The following ZNF438 variants were observed in gnomAD, a reference collection of about 807,000 sequenced individuals.
ZNF438 encodes the protein zinc finger protein 438.
ZNF438 carries 25 observed loss-of-function variants against 38.0 expected under a neutral mutation model. That is an observed-to-expected ratio of 0.66 (90% CI 0.48 to 0.92). The LOEUF (loss-of-function observed/expected upper bound fraction) is 0.92, where lower values mean the gene tolerates loss of function less well. Among genes scored for constraint, ZNF438 ranks in the 40% least tolerant of loss-of-function variants. ZNF438 has a pLI of 0.00. For missense variants in ZNF438, 1,007 were observed against 999.6 expected, an observed-to-expected ratio of 1.01 and a Z score of -0.10; for synonymous variants, 372 against 364.1, an observed-to-expected ratio of 1.02 and a Z score of -0.25.
chr10:30,906,797 G>A (rs1393319231), intron 3 of ZNF438, among the ~76,000 whole-genome samples: 1 of 152,140 alleles, frequency 6.6e-6, no homozygotes, highest in Non-Finnish European at 1.5e-5. Flanking sequence ...ATTTTGTCAA[G>A]TGCTTTTTCT....
chr10:30,852,922 A>T (rs1223479444), intron 4 of ZNF438, among the ~76,000 whole-genome samples: 1 of 151,966 alleles, frequency 6.6e-6, no homozygotes, highest in Non-Finnish European at 1.5e-5. Context: ...TTATTTTCAT[A>T]GCCTTTAAAT....
At chr10:30,922,897 T>C (rs367901249) in intron 2 of ZNF438, among the ~76,000 whole-genome samples, 7 of 151,330 alleles carry the variant, frequency 4.6e-5, no homozygotes, top group African/African-American at 1.7e-4. Context: ...AAGTACACAA[T>C]GGAATTAATA....
chr10:30,935,545 T>C (rs1277723872), intron 2 of ZNF438, among the ~76,000 whole-genome samples: 1 of 152,204 alleles, frequency 6.6e-6, no homozygotes, highest in Non-Finnish European at 1.5e-5. Context: ...TCTGCGCCCA[T>C]GACTCAAACA....
chr10:30,985,025 G>A (rs574357316), intron 1 of ZNF438, among the ~76,000 whole-genome samples: 1 of 152,072 alleles, frequency 6.6e-6, no homozygotes, highest in African/African-American at 2.4e-5. Flanking sequence ...ATCTCATTGA[G>A]CCATGTGTGA....
intron 1 of ZNF438, among the ~76,000 whole-genome samples, chr10:30,942,120 T>C (rs1395780422): frequency 2.0e-5 from 3 of 152,146 alleles, no homozygotes; most frequent in Non-Finnish European, 4.4e-5. Context: ...CGCTACGGGA[T>C]TTTGGAGCAC....
chr10:31,005,575 G>A (rs1366206146), intron 1 of ZNF438, among the ~76,000 whole-genome samples: 1 of 152,098 alleles, frequency 6.6e-6, no homozygotes, highest in Non-Finnish European at 1.5e-5. Flanking sequence ...AAGGGGTCTC[G>A]ATGTCTAATG....
chr10:30,985,036 G>A (rs1370629334), intron 1 of ZNF438, among the ~76,000 whole-genome samples: 1 of 152,148 alleles, frequency 6.6e-6, no homozygotes, highest in African/African-American at 2.4e-5. Flanking sequence ...CCATGTGTGA[G>A]ATGCATGTGC....
chr10:30,927,010 G>C (rs2045022039), intron 2 of ZNF438, among the ~76,000 whole-genome samples: 2 of 152,166 alleles, frequency 1.3e-5, no homozygotes, highest in African/African-American at 4.8e-5. Context: ...ATTAGACTTG[G>C]GAATTTTTGG....
rs61845160 is a variant in ZNF438 at position 30,975,957 on chromosome 10, G to A, written c.-191-34306C>T. On this transcript the variant is annotated intron_variant, in intron 1 of 5. Transcript: ENST00000413025. Reference sequence around the variant, plus strand: ...ATCTTAGATCATATTAATGAAAACAGAGAAGCAGATAAGTAAAAACATATT... The same window carrying A: ...ATCTTAGATCATATTAATGAAAACAAAGAAGCAGATAAGTAAAAACATATT... Among the ~76,000 whole-genome samples, 110 of 151,944 alleles carry A rather than the reference G, an allele frequency of 7.2e-4. 1 individual carries two copies. Among genetic ancestry groups the A allele is most frequent in the Middle Eastern group, 3.3e-3 (1 of 302 alleles).
intron 2 of ZNF438, among the ~76,000 whole-genome samples, chr10:30,930,754 C>A (rs2045563715): frequency 7.4e-6 from 1 of 134,386 alleles, no homozygotes; most frequent in South Asian, 2.3e-4. Context: ...TCGTAGTAAG[C>A]CGAGATCATG....
chr10:30,889,590 G>A (rs1194293143), intron 3 of ZNF438, among the ~76,000 whole-genome samples: 3 of 152,208 alleles, frequency 2.0e-5, no homozygotes, highest in Non-Finnish European at 4.4e-5. Context: ...GTTTTTAGTA[G>A]AGATGGGGTT....
chr10:30,851,837 C>T (rs1216096576), intron 4 of ZNF438, among the ~76,000 whole-genome samples: 1 of 152,044 alleles, frequency 6.6e-6, no homozygotes, highest in Non-Finnish European at 1.5e-5. Flanking sequence ...AGGTAGGTAG[C>T]AGACAATCTA....
At chr10:30,850,017 T>C in exon 5 of ZNF438, 2 of 1,614,162 alleles carry the variant, frequency 1.2e-6, no homozygotes, top group Non-Finnish European at 1.7e-6. Context: ...GATGCTTTGC[T>C]ATTTCTAGGG....
chr10:30,983,098 C>T (rs2052392988), intron 1 of ZNF438, among the ~76,000 whole-genome samples: 1 of 152,090 alleles, frequency 6.6e-6, no homozygotes, highest in South Asian at 2.1e-4. Flanking sequence ...AAGAAGTGTA[C>T]TGGGAACCAT....
chr10:31,022,614 G>C (rs1310165274), intron 1 of ZNF438, among the ~76,000 whole-genome samples: 2 of 152,142 alleles, frequency 1.3e-5, no homozygotes, highest in Non-Finnish European at 2.9e-5. Context: ...AGTACACTCA[G>C]CAAATCAATG....
intron 1 of ZNF438, among the ~76,000 whole-genome samples, chr10:31,026,394 G>GA (rs200348299): frequency 0.75 from 113,512 of 151,822 alleles, 43,068 homozygotes; most frequent in African/African-American, 0.83. Flanking sequence ...AAATTTACAA[G>GA]AAAAAATCAA....
At chr10:30,889,847 T>G (rs1022966482) in intron 3 of ZNF438, among the ~76,000 whole-genome samples, 2 of 152,200 alleles carry the variant, frequency 1.3e-5, no homozygotes, top group Non-Finnish European at 2.9e-5. Flanking sequence ...AACTGAAACT[T>G]CTTACTGTAT....
chr10:30,878,926 C>T lies in ZNF438; in HGVS notation c.-31-1861G>A, dbSNP rs373568135. On this transcript the variant is annotated intron_variant, in intron 3 of 5. Coordinates refer to ENST00000413025, the Ensembl canonical transcript of ZNF438. The stretch of plus-strand genomic sequence containing the variant: ...GGGGTCGAGAAAAATCCTGCATCAT[C>T]AGGTCAAGAAAAACTGATCCCCGAG... Among the ~76,000 whole-genome samples the T allele has an allele frequency of 2.0e-4, 30 of 152,240 alleles. No homozygotes were observed. The South Asian group carries it at 6.2e-3, about 32-fold the overall frequency.
chr10:30,892,235 TAC>T (rs1306436766), intron 3 of ZNF438, among the ~76,000 whole-genome samples: 1 of 147,040 alleles, frequency 6.8e-6, no homozygotes, highest in Non-Finnish European at 1.5e-5. Flanking sequence ...ACCCTATATA[TAC>T]TGTATTTTTT....
Sources: gnomAD v4.1 joint callset for allele counts (sites outside exome capture counted in the v4.1 genomes callset) on GRCh38, gnomAD v4.1.1 for gene constraint, MANE v1.5 for transcripts, NCBI Gene and HGNC (gene_info 2026-07-23, HGNC 2026-07-21) for gene names.